LGR6: variants seen among roughly 807,000 people sequenced by gnomAD.
LGR6 encodes leucine rich repeat containing G protein-coupled receptor 6.
Under a neutral mutation model 69.4 loss-of-function variants are expected in LGR6, and 45 were observed. The observed-to-expected ratio is 0.65, with a 90% confidence interval of 0.51 to 0.83. The LOEUF (loss-of-function observed/expected upper bound fraction) is 0.83. Among genes scored for constraint, LGR6 ranks in the 40% least tolerant of loss-of-function variants. LGR6 has a pLI of 0.00. For missense variants in LGR6, 1,108 were observed against 1,246.7 expected (o/e 0.89, Z 1.68); for synonymous variants, 538 against 555.0 (o/e 0.97, Z 0.43).
intron 4 of LGR6, among the ~76,000 whole-genome samples, chr1:202,243,216 C>A (rs957776795): frequency 2.0e-5 from 3 of 152,212 alleles, no homozygotes; most frequent in African/African-American, 7.2e-5. Context: ...GCTCCCAGAG[C>A]TGACCTTGGG....
At chr1:202,293,796 A>C (rs187119988) in intron 6 of LGR6, among the ~76,000 whole-genome samples, 9 of 152,286 alleles carry the variant, frequency 5.9e-5, no homozygotes, top group Non-Finnish European at 1.2e-4. Flanking sequence ...ACCTTTGCAC[A>C]GTTTTTATTC....
At chr1:202,224,552 G>A (rs548143676) in intron 1 of LGR6, among the ~76,000 whole-genome samples, 2 of 152,342 alleles carry the variant, frequency 1.3e-5, no homozygotes, top group South Asian at 2.1e-4. Flanking sequence ...TCCACGGACA[G>A]GGGTGGAGTG....
chr1:202,316,705 T>C (rs968037699), intron 17 of LGR6, among the ~76,000 whole-genome samples: 7 of 152,210 alleles, frequency 4.6e-5, no homozygotes, highest in Admixed American at 2.6e-4. Flanking sequence ...TCAAATTTTC[T>C]ACAGTTATCA....
intron 4 of LGR6, among the ~76,000 whole-genome samples, chr1:202,254,147 C>T (rs942769525): frequency 9.9e-5 from 15 of 152,268 alleles, no homozygotes; most frequent in Middle Eastern, 3.4e-3. Context: ...GGGGTTTCAC[C>T]GTGTTAGCCA....
intron 17 of LGR6, 74 bp from the exon 18 acceptor site, chr1:202,317,878 G>A: frequency 7.2e-7 from 1 of 1,390,232 alleles, no homozygotes; most frequent in East Asian, 2.3e-5. Flanking sequence ...TCTGAATACA[G>A]AGGCTGACCT....
chr1:202,223,749 G>A (rs1471363684), intron 1 of LGR6, among the ~76,000 whole-genome samples: 1 of 151,316 alleles, frequency 6.6e-6, no homozygotes, highest in Non-Finnish European at 1.5e-5. Flanking sequence ...ACACAGGGTA[G>A]GACCCACAGA....
chr1:202,296,124 C>T (rs986116669), intron 6 of LGR6, among the ~76,000 whole-genome samples: 1 of 152,116 alleles, frequency 6.6e-6, no homozygotes, highest in Non-Finnish European at 1.5e-5. Flanking sequence ...TCCCCCTGCC[C>T]TGGCTTGGAT....
At chr1:202,272,794 C>T (rs916458447) in intron 4 of LGR6, among the ~76,000 whole-genome samples, 1 of 152,246 alleles carries the variant, frequency 6.6e-6, no homozygotes, top group African/African-American at 2.4e-5. Flanking sequence ...TACGCACATA[C>T]ATAGCAAAGG....
At chr1:202,213,047 C>T (rs1374358907) in intron 1 of LGR6, among the ~76,000 whole-genome samples, 3 of 152,162 alleles carry the variant, frequency 2.0e-5, no homozygotes, top group Non-Finnish European at 2.9e-5. Flanking sequence ...CTCCTCAGAC[C>T]GAAGTTTCCT....
intron 1 of LGR6, among the ~76,000 whole-genome samples, chr1:202,224,841 G>A (rs559309423): frequency 6.6e-6 from 1 of 152,324 alleles, no homozygotes; most frequent in East Asian, 1.9e-4. Flanking sequence ...AACAGGTAGA[G>A]CCTGGTAGAC....
chr1:202,226,179 A>T (rs766789884), intron 2 of LGR6, among the ~76,000 whole-genome samples: 42 of 152,154 alleles, frequency 2.8e-4, no homozygotes, highest in Non-Finnish European at 4.6e-4. Flanking sequence ...CATCTCCTGG[A>T]TTAGAGTGAC....
At chr1:202,235,804 G>A in intron 3 of LGR6, 118 bp from the exon 4 acceptor site, 1 of 799,740 alleles carries the variant, frequency 1.3e-6, no homozygotes, top group Non-Finnish European at 2.1e-6. Context: ...GGGGCTCTGA[G>A]GCTGGGGTGA....
rs146796184 is a variant in LGR6, at chr1:202,218,952, C to T, written c.213-6471C>T. Reference sequence around the variant, plus strand: ...AACTCCTTGATGGCCCAGACCTTGTCCTGGGCTTTGTCTCCATCTCACACA... The same window carrying T: ...AACTCCTTGATGGCCCAGACCTTGTTCTGGGCTTTGTCTCCATCTCACACA... On this transcript the variant is annotated intron_variant, in intron 1 of 17. Transcript: ENST00000367278. Among the ~76,000 whole-genome samples, 223 of 152,276 alleles carry T rather than the reference C, an allele frequency of 1.5e-3. 1 individual carries two copies. The South Asian group carries it at 0.02, about 13-fold the overall frequency.
intron 6 of LGR6, among the ~76,000 whole-genome samples, chr1:202,289,201 G>A (rs923756892): frequency 6.6e-6 from 1 of 152,162 alleles, no homozygotes; most frequent in Non-Finnish European, 1.5e-5. Context: ...GTGAAGACGG[G>A]CACTCCAGCT....
chr1:202,216,974 C>T (rs1659826976), intron 1 of LGR6, among the ~76,000 whole-genome samples: 1 of 152,216 alleles, frequency 6.6e-6, no homozygotes, highest in South Asian at 2.1e-4. Context: ...TTGCACCTGA[C>T]CTGATGTAAC....
rs1237695249 is a variant in LGR6, at chr1:202,268,642, G to T, written c.429-7664G>T. 6.6e-6 allele frequency among the ~76,000 whole-genome samples: 1 copy of T among 152,076 alleles called. No individual in the cohort carries two copies. Among genetic ancestry groups the T allele is most frequent in the Non-Finnish European group, 1.5e-5 (1 of 68,014 alleles). ...GTTCAGAGATGAAAACCAGCCCTGG[G>T]GTCGGCCAGGAGCAAACAATCAGTA... On this transcript the variant is annotated intron_variant, in intron 4 of 17. Transcript: ENST00000367278. This position sits in a 1 kb window ranked among gnomAD's most constrained non-coding sequence, Gnocchi z 4.4.
intron 16 of LGR6, 32 bp from the exon 17 acceptor site, chr1:202,314,770 A>G (rs1199334065): frequency 6.5e-7 from 1 of 1,544,496 alleles, no homozygotes; most frequent in Non-Finnish European, 9.0e-7. Context: ...ACCAAGACCC[A>G]GGACCCTGCA....
chr1:202,201,232 C>T (rs1484721465), intron 1 of LGR6, among the ~76,000 whole-genome samples: 1 of 152,218 alleles, frequency 6.6e-6, no homozygotes, highest in Admixed American at 6.5e-5. Flanking sequence ...GAACTGTGAT[C>T]TTCTTCCAGA....
intron 16 of LGR6, among the ~76,000 whole-genome samples, chr1:202,313,392 C>T (rs1228154111): frequency 6.6e-6 from 1 of 152,130 alleles, no homozygotes; most frequent in Non-Finnish European, 1.5e-5. Flanking sequence ...CTGTAAATCT[C>T]CTGAACCCTC....
Sources: allele counts gnomAD v4.1 joint callset (sites outside exome capture counted in the v4.1 genomes callset), GRCh38; gene constraint gnomAD v4.1.1; non-coding constraint Gnocchi (gnomAD v3.1); transcripts MANE v1.5; gene names NCBI Gene and HGNC (gene_info 2026-07-23, HGNC 2026-07-21).